C1orf87: variants seen among roughly 807,000 people sequenced by gnomAD.
C1orf87 encodes the protein uncharacterized protein C1orf87.
A neutral mutation model predicts 60.5 loss-of-function variants in C1orf87; 58 were observed. That is an observed-to-expected ratio of 0.96 (90% CI 0.78 to 1.19). The LOEUF (loss-of-function observed/expected upper bound fraction) is 1.19. Ranked by LOEUF, C1orf87 falls within the 50% of genes most tolerant of loss-of-function variation. The pLI is 0.00. For synonymous variants in C1orf87, 236 were observed against 227.4 expected, an observed-to-expected ratio of 1.04 and a Z score of -0.34; for missense variants, 673 against 638.6, an observed-to-expected ratio of 1.05 and a Z score of -0.58.
chr1:60,050,178 T>C (rs1645404052), intron 3 of C1orf87, among the ~76,000 whole-genome samples: 1 of 152,042 alleles, frequency 6.6e-6, no homozygotes, highest in Non-Finnish European at 1.5e-5. Flanking sequence ...TATTTTTTTG[T>C]TGGAATCCCA....
chr1:60,008,474 T>C lies in C1orf87; in HGVS notation c.1192+1918A>G, dbSNP rs144273065. Among the ~76,000 whole-genome samples, 14 of 152,110 alleles carry C rather than the reference T, an allele frequency of 9.2e-5. No homozygotes were observed. The East Asian group carries it at 2.7e-3, about 29-fold the overall frequency. Reference sequence around the variant, plus strand: ...TGAATCCCTAATCTCAAAATCTGACTGTATTTGGAGGTAGGGCCTTTAAAG... The same window carrying C: ...TGAATCCCTAATCTCAAAATCTGACCGTATTTGGAGGTAGGGCCTTTAAAG... On this transcript the variant is annotated intron_variant, in intron 9 of 11. Coordinates refer to ENST00000371201, the MANE Select transcript of C1orf87 (RefSeq NM_152377.3).
chr1:60,008,666 C>T (rs1415415328), intron 9 of C1orf87: 8 of 455,474 alleles, frequency 1.8e-5, no homozygotes, highest in Non-Finnish European at 3.1e-5. Context: ...AGAAGAGCTA[C>T]TGCTATAATG....
At chr1:60,009,498 C>A (rs1190573507) in intron 9 of C1orf87, among the ~76,000 whole-genome samples, 2 of 151,914 alleles carry the variant, frequency 1.3e-5, no homozygotes, top group African/African-American at 4.8e-5. Context: ...TCACCATATT[C>A]TTTTTTATCC....
rs71637761 is a variant in C1orf87 at position 60,023,218 on chromosome 1, C to G, written c.1127+2183G>C. On this transcript the variant is annotated intron_variant, in intron 8 of 11. Coordinates refer to ENST00000371201, the MANE Select transcript of C1orf87 (RefSeq NM_152377.3). Reference sequence around the variant, plus strand: ...TGAAGTTCATTGAGCTCCTTGCGTCCATGTCTTTATAGTTTTCTCCAAATT... The same window carrying G: ...TGAAGTTCATTGAGCTCCTTGCGTCGATGTCTTTATAGTTTTCTCCAAATT... Among the ~76,000 whole-genome samples the G allele has an allele frequency of 3.7e-3, 561 of 152,106 alleles. 2 individuals are homozygous for G. Among genetic ancestry groups the G allele is most frequent in the Non-Finnish European group, 5.8e-3 (395 of 67,962 alleles).
intron 8 of C1orf87, among the ~76,000 whole-genome samples, chr1:60,024,736 T>G (rs1386527710): frequency 1.3e-5 from 2 of 152,154 alleles, no homozygotes; most frequent in Non-Finnish European, 2.9e-5. Context: ...TAGGCTCACT[T>G]GCTTTATTTT....
rs184162430 is a variant in C1orf87, at chr1:60,004,190, A to G, written c.1193-3034T>C. 6.6e-5 allele frequency among the ~76,000 whole-genome samples: 10 copies of G among 152,200 alleles called. No homozygotes were observed. In the East Asian group the frequency reaches 1.7e-3, roughly 27 times the overall value. ...AGGAGGATGAACAGACAGACCTAAC[A>G]TCTAACCCTGATTCTTCTCTTTACC... On this transcript the variant is annotated intron_variant, in intron 9 of 11. Coordinates refer to ENST00000371201, the MANE Select transcript of C1orf87 (RefSeq NM_152377.3).
intron 6 of C1orf87, among the ~76,000 whole-genome samples, chr1:60,036,497 C>T (rs1645278085): frequency 6.6e-6 from 1 of 152,208 alleles, no homozygotes; most frequent in Admixed American, 6.5e-5. Flanking sequence ...AAAACACTTA[C>T]ATAGTACTTA....
At chr1:60,027,488 G>A (rs1414148329) in intron 7 of C1orf87, among the ~76,000 whole-genome samples, 2 of 152,184 alleles carry the variant, frequency 1.3e-5, no homozygotes, top group African/African-American at 2.4e-5. Flanking sequence ...ATGGTGTGGC[G>A]TGCCTGCTCC....
chr1:60,073,195 C>G (rs1645595706), intron 1 of C1orf87, among the ~76,000 whole-genome samples: 1 of 152,194 alleles, frequency 6.6e-6, no homozygotes. Flanking sequence ...ACAAGACAGA[C>G]AGACTTTTGT....
intron 7 of C1orf87, among the ~76,000 whole-genome samples, chr1:60,030,725 G>C (rs1204580082): frequency 6.6e-6 from 1 of 152,224 alleles, no homozygotes; most frequent in Non-Finnish European, 1.5e-5. Flanking sequence ...ATCTGACTTG[G>C]GTAATAGTTG....
chr1:60,042,638 C>T (rs1400932241), intron 3 of C1orf87, among the ~76,000 whole-genome samples: 3 of 106,858 alleles, frequency 2.8e-5, no homozygotes, highest in Non-Finnish European at 5.6e-5. Flanking sequence ...GTGTCCTGCT[C>T]ATGTCATTAT....
chr1:60,025,266 A>T, intron 8 of C1orf87, 135 bp downstream of exon 8: 1 of 619,152 alleles, frequency 1.6e-6, no homozygotes, highest in Non-Finnish European at 2.8e-6. Context: ...TTTCACCTTT[A>T]TGACATCATC....
intron 11 of C1orf87, among the ~76,000 whole-genome samples, chr1:59,996,496 C>T (rs1047905464): frequency 6.6e-6 from 1 of 152,182 alleles, no homozygotes; most frequent in African/African-American, 2.4e-5. Flanking sequence ...TTTGAATTGA[C>T]TCCAAATTCC....
chr1:60,062,934 A>G (rs1160066843), intron 2 of C1orf87, among the ~76,000 whole-genome samples: 3 of 152,132 alleles, frequency 2.0e-5, no homozygotes, highest in African/African-American at 7.2e-5. Flanking sequence ...CAGACTTATG[A>G]CCAGAACAAC....
chr1:60,024,787 G>A (rs1009115809), intron 8 of C1orf87, among the ~76,000 whole-genome samples: 4 of 152,072 alleles, frequency 2.6e-5, no homozygotes, highest in Non-Finnish European at 4.4e-5. Context: ...CTTGCCGTTC[G>A]ATGTCTGAGA....
intron 10 of C1orf87, 143 bp from the exon 11 acceptor site, chr1:59,997,959 CA>C (rs1357231293): frequency 1.3e-6 from 1 of 746,038 alleles, no homozygotes; most frequent in Non-Finnish European, 2.2e-6. Context: ...TTCAAATCTT[CA>C]GTGCCATAAG....
In C1orf87 at chr1:60,038,063, T is replaced by C; in HGVS notation, c.792A>G (p.Ser264=). The C allele has an allele frequency of 6.2e-7, 1 of 1,609,500 alleles. No homozygotes were observed. The highest frequency in any genetic ancestry group is 1.7e-5 in the Admixed American group (1 of 59,958). The change falls in exon 6 of 12, where the codon TCA becomes TCG. Residue 264 remains serine (S), a synonymous_variant. Coordinates refer to ENST00000371201, the MANE Select transcript of C1orf87 (RefSeq NM_152377.3). The part of the protein sequence containing the change: ...KLLWFLNSAA[S]DYPQQNKAAA... ...CTGCTTTATTTTGCTGTGGATAATCTGATGCTGCACTGTTTAAAAACCAGA... is the reference window on the plus strand; with the variant it reads ...CTGCTTTATTTTGCTGTGGATAATCCGATGCTGCACTGTTTAAAAACCAGA...
At chr1:59,994,348 C>G (rs1399171371) in intron 11 of C1orf87, among the ~76,000 whole-genome samples, 1 of 151,582 alleles carries the variant, frequency 6.6e-6, no homozygotes, top group East Asian at 1.9e-4. Context: ...TCATGGAGAG[C>G]TGGGCTTGAA....
At position 60,038,093 on chromosome 1, in the gene C1orf87, CT is replaced by C; in HGVS notation, c.761del (p.Lys254SerfsTer6). ...RGSPEMVNYEKLLWFLNSAAS... is the reference protein window; with the variant it reads ...RGSPEMVNYEXLLWFLNSAAS... ...CTGCACTGTTTAAAAACCAGAGTAG[CT>C]TTTCATAATTCACCTGAAAATTAAA... On this transcript the variant is annotated frameshift_variant, in exon 6 of 12. Transcript: ENST00000371201. LOFTEE classifies it high-confidence loss of function. 6.5e-7 allele frequency: 1 copy of C among 1,547,354 alleles called. No individual in the cohort carries two copies. Among genetic ancestry groups the C allele is most frequent in the Non-Finnish European group, 8.8e-7 (1 of 1,132,090 alleles).
Sources: gnomAD v4.1 joint callset for allele counts (sites outside exome capture counted in the v4.1 genomes callset) on GRCh38, gnomAD v4.1.1 for gene constraint, MANE v1.5 for transcripts, NCBI Gene and HGNC (gene_info 2026-07-23, HGNC 2026-07-21) for gene names.